The following CRPPA variants were observed in gnomAD, a reference collection of about 807,000 sequenced individuals.
The protein encoded by CRPPA is D-ribitol-5-phosphate cytidylyltransferase.
A neutral mutation model predicts 52.0 loss-of-function variants in CRPPA; 43 were observed. The ratio of observed to expected loss-of-function variants is 0.83; its 90% confidence interval spans 0.65 to 1.07. CRPPA has a LOEUF of 1.07. Among genes scored for constraint, CRPPA ranks in the 50% least tolerant of loss-of-function variants. The probability of loss-of-function intolerance (pLI) is 0.00; values close to 1 mark genes in which losing one functional copy is unlikely to be tolerated. For synonymous variants in CRPPA, 250 were observed against 203.5 expected, an observed-to-expected ratio of 1.23 and a Z score of -1.94; for missense variants, 629 against 551.7, an observed-to-expected ratio of 1.14 and a Z score of -1.40.
Position 16,140,025 on chromosome 7 carries a change from AG to A in CRPPA, c.1252-48227del, listed in dbSNP as rs1434641279. Reference sequence around the variant, plus strand: ...ACCATTAATATTTCTGTTAAAAAAAAGTCAAGTAAAATTATTCTTTTTGATT... The same window carrying A: ...ACCATTAATATTTCTGTTAAAAAAAATCAAGTAAAATTATTCTTTTTGATT... On this transcript the variant is annotated intron_variant, in intron 9 of 9. Transcript: ENST00000407010. 4.6e-5 allele frequency among the ~76,000 whole-genome samples: 7 copies of A among 152,328 alleles called. No homozygotes were observed. In the East Asian group the frequency reaches 1.3e-3, roughly 29 times the overall value.
At chr7:16,389,928 A>AAAAAAAAAAAAAAAAAATATAT in intron 2 of CRPPA, among the ~76,000 whole-genome samples, 6 of 29,760 alleles carry the variant, frequency 2.0e-4, no homozygotes, top group African/African-American at 3.5e-4. Flanking sequence ...AAAAAAAAAA[A>AAAAAAAAAAAAAAAAAATATAT]ATATATATAT....
chr7:16,194,420 T>A (rs1781684305), intron 9 of CRPPA, among the ~76,000 whole-genome samples: 1 of 152,102 alleles, frequency 6.6e-6, no homozygotes, highest in Non-Finnish European at 1.5e-5. Flanking sequence ...TTACTTAATA[T>A]CCATATGCCT....
chr7:16,399,472 A>G (rs1019632568), intron 2 of CRPPA, among the ~76,000 whole-genome samples: 5 of 151,176 alleles, frequency 3.3e-5, no homozygotes, highest in Admixed American at 2.6e-4. Flanking sequence ...CGAGATTGAC[A>G]AGACGTTTGA....
chr7:16,137,993 T>C (rs1174061999), intron 9 of CRPPA, among the ~76,000 whole-genome samples: 2 of 152,194 alleles, frequency 1.3e-5, no homozygotes, highest in South Asian at 4.1e-4. Context: ...GAAAATATTT[T>C]ACAGCATAAG....
chr7:16,257,760 A>C (rs928475307), intron 8 of CRPPA, among the ~76,000 whole-genome samples: 1 of 151,996 alleles, frequency 6.6e-6, no homozygotes, highest in Non-Finnish European at 1.5e-5. Context: ...CTCCTCAGCC[A>C]ATTTAGAGGA....
intron 9 of CRPPA, among the ~76,000 whole-genome samples, chr7:16,111,597 A>G (rs968963185): frequency 6.6e-6 from 1 of 152,206 alleles, no homozygotes; most frequent in African/African-American, 2.4e-5. Context: ...CAACCTTTAA[A>G]AAAGTAACTG....
intron 3 of CRPPA, among the ~76,000 whole-genome samples, chr7:16,353,121 C>G (rs1459055462): frequency 6.6e-6 from 1 of 151,920 alleles, no homozygotes; most frequent in Non-Finnish European, 1.5e-5. Flanking sequence ...TTTGGAAGGC[C>G]AAGCAGAGAG....
intron 8 of CRPPA, among the ~76,000 whole-genome samples, chr7:16,220,715 T>G (rs1455441223): frequency 5.4e-5 from 8 of 148,062 alleles, no homozygotes; most frequent in African/African-American, 1.7e-4. Context: ...GAGAATAAAA[T>G]ACCTAGGAAT....
intron 9 of CRPPA, among the ~76,000 whole-genome samples, chr7:16,204,848 T>G (rs1354088696): frequency 6.6e-6 from 1 of 152,232 alleles, no homozygotes; most frequent in Non-Finnish European, 1.5e-5. Context: ...GTAACTTCTG[T>G]GACTTTCCTA....
intron 9 of CRPPA, among the ~76,000 whole-genome samples, chr7:16,115,380 G>C (rs1782349740): frequency 1.3e-5 from 2 of 152,090 alleles, no homozygotes; most frequent in Non-Finnish European, 2.9e-5. Context: ...TATGATGTTG[G>C]ACTGAAAAAT....
chr7:16,383,816 C>T (rs1284764197), intron 2 of CRPPA, among the ~76,000 whole-genome samples: 1 of 152,238 alleles, frequency 6.6e-6, no homozygotes, highest in Non-Finnish European at 1.5e-5. Context: ...GGGATATAAT[C>T]TCCTGGTGTG....
At chr7:16,220,702 A>G (rs1782475086) in intron 8 of CRPPA, among the ~76,000 whole-genome samples, 2 of 147,840 alleles carry the variant, frequency 1.4e-5, no homozygotes, top group South Asian at 4.6e-4. Flanking sequence ...CAATTGCTTC[A>G]AAGAGAATAA....
chr7:16,400,977 G>T (rs1390480934), intron 2 of CRPPA, among the ~76,000 whole-genome samples: 1 of 152,178 alleles, frequency 6.6e-6, no homozygotes, highest in African/African-American at 2.4e-5. Flanking sequence ...GCACAGCCCT[G>T]TGTTCAATAA....
At chr7:16,150,400 G>A (rs1040570355) in intron 9 of CRPPA, among the ~76,000 whole-genome samples, 1 of 152,146 alleles carries the variant, frequency 6.6e-6, no homozygotes, top group African/African-American at 2.4e-5. Context: ...TGCATTGGAA[G>A]ATGTTAAAGG....
At chr7:16,215,012 G>A (rs1782266216) in intron 9 of CRPPA, among the ~76,000 whole-genome samples, 1 of 152,108 alleles carries the variant, frequency 6.6e-6, no homozygotes, top group African/African-American at 2.4e-5. Context: ...TGCATATTTT[G>A]GAAGCAGAGG....
At chr7:16,354,146 G>T (rs1042984423) in intron 3 of CRPPA, among the ~76,000 whole-genome samples, 2 of 152,032 alleles carry the variant, frequency 1.3e-5, no homozygotes, top group African/African-American at 4.8e-5. Flanking sequence ...CACATTGTAA[G>T]GACACAATTT....
At chr7:16,351,167 G>A (rs1032202818) in intron 3 of CRPPA, among the ~76,000 whole-genome samples, 6 of 151,792 alleles carry the variant, frequency 4.0e-5, no homozygotes, top group African/African-American at 1.5e-4. Context: ...CCAGAAATCT[G>A]GTATTTAATA....
At chr7:16,331,295 G>T (rs185778385) in intron 3 of CRPPA, among the ~76,000 whole-genome samples, 1 of 152,212 alleles carries the variant, frequency 6.6e-6, no homozygotes, top group Admixed American at 6.5e-5. Flanking sequence ...CACTGCACCT[G>T]GCCAGAAACG....
At chr7:16,387,088 C>CACATATATATATATATATATAT (rs1787307391) in intron 2 of CRPPA, among the ~76,000 whole-genome samples, 5 of 34,794 alleles carry the variant, frequency 1.4e-4, no homozygotes, top group African/African-American at 5.7e-4. Flanking sequence ...TATATATATA[C>CACATATATATATATATATATAT]ACACATATAT....
Sources: gnomAD v4.1 joint callset for allele counts (sites outside exome capture counted in the v4.1 genomes callset) on GRCh38, gnomAD v4.1.1 for gene constraint, MANE v1.5 for transcripts, NCBI Gene and HGNC (gene_info 2026-07-23, HGNC 2026-07-21) for gene names.